Variants in KCTD3 observed in about 807,000 individuals in gnomAD.
KCTD3 encodes the protein potassium channel tetramerization domain containing 3, also known as BTB/POZ domain-containing protein KCTD3.
A neutral mutation model predicts 85.8 loss-of-function variants in KCTD3; 41 were observed. The ratio of observed to expected loss-of-function variants is 0.48; its 90% CI spans 0.37 to 0.62. KCTD3 has a LOEUF of 0.62. Among genes scored for constraint, KCTD3 ranks in the 20% least tolerant of loss-of-function variants. KCTD3 has a pLI of 0.00. For synonymous variants in KCTD3, 338 were observed against 345.4 expected, an observed-to-expected ratio of 0.98 and a Z score of 0.24; for missense variants, 724 against 989.9, an observed-to-expected ratio of 0.73 and a Z score of 3.60.
intron 9 of KCTD3, among the ~76,000 whole-genome samples, chr1:215,587,461 A>G (rs1017913516): frequency 5.9e-5 from 9 of 152,182 alleles, no homozygotes; most frequent in African/African-American, 1.4e-4. Flanking sequence ...AGTATTTACT[A>G]TATTAGAAAT....
chr1:215,606,162 A>ACC (rs1655013135), intron 13 of KCTD3, among the ~76,000 whole-genome samples: 1 of 152,028 alleles, frequency 6.6e-6, no homozygotes, highest in Non-Finnish European at 1.5e-5. Flanking sequence ...ATGCCTTCGA[A>ACC]CTTTTGTGTT....
intron 13 of KCTD3, among the ~76,000 whole-genome samples, chr1:215,605,954 G>A (rs754075467): frequency 6.6e-6 from 1 of 152,092 alleles, no homozygotes; most frequent in Non-Finnish European, 1.5e-5. Context: ...GCAGCCAGAA[G>A]CATCTTTTAG....
chr1:215,619,238 C>G lies in KCTD3; in HGVS notation c.1833C>G (p.Ile611Met), dbSNP rs772923100. The change falls in exon 17 of 18, where the codon ATC (isoleucine) becomes ATG (methionine). Residue 611 changes from isoleucine to methionine, a missense_variant. By Grantham distance (10) the Ile-to-Met change is conservative. Around this residue, in one of 6 missense-constraint regions of KCTD3, gnomAD observed 136 missense variants for 197.6 expected, o/e 0.69. Coordinates refer to ENST00000259154, the MANE Select transcript of KCTD3 (RefSeq NM_016121.5). ...CATCTCGCTGTGCTACTCCTAACAT[C>G]AGTCCAGCAACTTCCGTAGTTCAGC... ...LSTSRCATPNISPATSVVQHS... is the reference protein window; with the variant it reads ...LSTSRCATPNMSPATSVVQHS... 6.2e-7 allele frequency: 1 copy of G among 1,613,886 alleles called. No individual in the cohort carries two copies. The highest frequency in any genetic ancestry group is 1.1e-5 in the South Asian group (1 of 91,062).
chr1:215,615,512 T>C (rs900252970), intron 15 of KCTD3, among the ~76,000 whole-genome samples: 1 of 151,314 alleles, frequency 6.6e-6, no homozygotes, highest in Admixed American at 6.6e-5. Context: ...CCCAGCTACT[T>C]GGGAGGCTGA....
At chr1:215,600,527 G>T (rs905497357) in intron 10 of KCTD3, among the ~76,000 whole-genome samples, 6 of 152,090 alleles carry the variant, frequency 3.9e-5, no homozygotes, top group African/African-American at 1.4e-4. Flanking sequence ...CTATTTTAGT[G>T]CCTGTCACAC....
chr1:215,620,513 T>A lies in KCTD3; in HGVS notation c.2343T>A (p.Asp781Glu). ...PYLASSPSTS[D>E]GGTDSPGTAS... ...TGGCGTCATCACCAAGTACTTCCGA[T>A]GGAGGAACTGACTCACCTGGTACTG... Residue 781 changes from aspartate to glutamate, a missense_variant, in exon 18 of 18, where the codon GAT becomes GAA. Asp to Glu is a conservative substitution (Grantham distance 45, BLOSUM62 2). Around this residue, in one of 6 missense-constraint regions of KCTD3, gnomAD observed 222 missense variants for 217.7 expected, o/e 1.02. Coordinates refer to ENST00000259154, the MANE Select transcript of KCTD3 (RefSeq NM_016121.5). The A allele has an allele frequency of 6.2e-7, 1 of 1,613,610 alleles. No individual in the cohort carries two copies. Among genetic ancestry groups the A allele is most frequent in the Non-Finnish European group, 8.5e-7 (1 of 1,179,538 alleles).
intron 15 of KCTD3, among the ~76,000 whole-genome samples, chr1:215,612,350 A>T (rs1468506987): frequency 2.0e-5 from 3 of 152,214 alleles, no homozygotes; most frequent in African/African-American, 7.2e-5. Context: ...AATAAAAATG[A>T]TATTAATAAC....
intron 1 of KCTD3, among the ~76,000 whole-genome samples, chr1:215,572,654 CTAATT>C (rs1376504074): frequency 1.3e-5 from 2 of 152,250 alleles, no homozygotes; most frequent in Non-Finnish European, 2.9e-5. Flanking sequence ...TTCCAGGCTG[CTAATT>C]TAGGTAATGG....
chr1:215,616,088 G>C (rs1433613330), intron 15 of KCTD3, among the ~76,000 whole-genome samples: 1 of 152,064 alleles, frequency 6.6e-6, no homozygotes, highest in Admixed American at 6.5e-5. Context: ...AGAGCGTTCT[G>C]GTTTCTGTGA....
intron 9 of KCTD3, among the ~76,000 whole-genome samples, chr1:215,594,078 T>C (rs1458513650): frequency 6.6e-6 from 1 of 151,946 alleles, no homozygotes; most frequent in Non-Finnish European, 1.5e-5. Flanking sequence ...CAGGCTGGTC[T>C]TGAACTCCTG....
chr1:215,570,980 T>A (rs950743514), intron 1 of KCTD3, among the ~76,000 whole-genome samples: 2 of 152,196 alleles, frequency 1.3e-5, no homozygotes, highest in Non-Finnish European at 2.9e-5. Flanking sequence ...TAAAAAAAAA[T>A]TGGTGGGGAT....
At chr1:215,607,277 T>A (rs912303463) in intron 13 of KCTD3, among the ~76,000 whole-genome samples, 1 of 151,864 alleles carries the variant, frequency 6.6e-6, no homozygotes, top group Non-Finnish European at 1.5e-5. Context: ...AATGGCAAAA[T>A]CAGTATATTT....
chr1:215,616,536 G>A (rs578025850), intron 15 of KCTD3, among the ~76,000 whole-genome samples: 3 of 152,258 alleles, frequency 2.0e-5, no homozygotes, highest in South Asian at 2.1e-4. Flanking sequence ...TGAGGTGGGC[G>A]GATCACCTGA....
At position 215,604,275 on chromosome 1, in the gene KCTD3, A is replaced by G. The variant is rs773215363; in HGVS notation, c.1282A>G (p.Met428Val). The change falls in exon 13 of 18, where the codon ATG becomes GTG. Residue 428 changes from methionine to valine, a missense_variant. Met to Val is a conservative substitution (Grantham distance 21). Coordinates refer to ENST00000259154, the MANE Select transcript of KCTD3 (RefSeq NM_016121.5). ...TCACCGAAGTCCCGTAACAAAAATCATGCTATCAGAGAAGCATCTTGTATC... is the reference window on the plus strand; with the variant it reads ...TCACCGAAGTCCCGTAACAAAAATCGTGCTATCAGAGAAGCATCTTGTATC... ...TVHRSPVTKI[M>V]LSEKHLVSVC... 2.5e-6 allele frequency: 4 copies of G among 1,613,808 alleles called. No individual in the cohort carries two copies. Among genetic ancestry groups the G allele is most frequent in the Non-Finnish European group, 3.4e-6 (4 of 1,179,832 alleles).
chr1:215,567,880 T>C (rs1044676764), intron 1 of KCTD3, 112 bp downstream of exon 1: 1 of 713,708 alleles, frequency 1.4e-6, no homozygotes, highest in Non-Finnish European at 1.9e-6. Flanking sequence ...AGGCCAAGCC[T>C]GGAGGGGAAC....
chr1:215,585,922 A>C (rs1659989677), intron 8 of KCTD3, among the ~76,000 whole-genome samples: 1 of 152,112 alleles, frequency 6.6e-6, no homozygotes, highest in African/African-American at 2.4e-5. Flanking sequence ...ATCCTTTTTT[A>C]TATAATAGTG....
chr1:215,600,387 C>T (rs1190782877), intron 10 of KCTD3, among the ~76,000 whole-genome samples: 5 of 152,068 alleles, frequency 3.3e-5, no homozygotes, highest in African/African-American at 1.2e-4. Context: ...TTCCCCTTGC[C>T]CTACCTAACT....
At chr1:215,583,598 C>G (rs1428479677) in intron 8 of KCTD3, among the ~76,000 whole-genome samples, 3 of 152,122 alleles carry the variant, frequency 2.0e-5, no homozygotes, top group Non-Finnish European at 4.4e-5. Context: ...GGGAATGCAG[C>G]CCAGCAGGTC....
chr1:215,587,424 C>T (rs185670044), intron 9 of KCTD3, among the ~76,000 whole-genome samples: 13 of 152,180 alleles, frequency 8.5e-5, no homozygotes, highest in Admixed American at 3.9e-4. Flanking sequence ...CCACCATGCC[C>T]GGCCTTTCTG....
Sources: gnomAD v4.1 joint callset for allele counts (sites outside exome capture counted in the v4.1 genomes callset) on GRCh38, gnomAD v4.1.1 for gene constraint, gnomAD v4.1.1 regional missense constraint, MANE v1.5 for transcripts, NCBI Gene and HGNC (gene_info 2026-07-23, HGNC 2026-07-21) for gene names.